Variants in AKAP10 observed in about 807,000 individuals in gnomAD.
AKAP10 encodes the protein A-kinase anchoring protein 10, also known as A-kinase anchor protein 10, mitochondrial.
A neutral mutation model predicts 80.8 loss-of-function variants in AKAP10; 24 were observed. The ratio of observed to expected loss-of-function variants is 0.30; its 90% CI spans 0.22 to 0.42. The LOEUF is 0.42. Ranked by LOEUF, AKAP10 falls within the 10% of genes least tolerant of loss-of-function variation. AKAP10 has a pLI of 1.00. For synonymous variants in AKAP10, 291 were observed against 277.7 expected (o/e 1.05, Z -0.48); for missense variants, 661 against 794.9 (o/e 0.83, Z 2.03).
intron 3 of AKAP10, among the ~76,000 whole-genome samples, chr17:19,961,171 G>T (rs929621079): frequency 2.2e-5 from 3 of 138,082 alleles, no homozygotes; most frequent in Non-Finnish European, 4.6e-5. Flanking sequence ...GCGAAACCCC[G>T]TCTCTACAAA....
At chr17:19,935,676 G>A (rs905169572) in intron 9 of AKAP10, among the ~76,000 whole-genome samples, 2 of 151,336 alleles carry the variant, frequency 1.3e-5, no homozygotes, top group Non-Finnish European at 2.9e-5. Context: ...ATTAGCCTAA[G>A]CCTACACAGG....
At chr17:19,970,998 T>A (rs1205222426) in intron 1 of AKAP10, among the ~76,000 whole-genome samples, 1 of 151,696 alleles carries the variant, frequency 6.6e-6, no homozygotes, top group Non-Finnish European at 1.5e-5. Flanking sequence ...CAAGTGATCC[T>A]CTCATGCCAC....
At chr17:19,923,305 T>G (rs1477657936) in intron 11 of AKAP10, among the ~76,000 whole-genome samples, 1 of 151,988 alleles carries the variant, frequency 6.6e-6, no homozygotes, top group Non-Finnish European at 1.5e-5. Flanking sequence ...CTCGAACTCC[T>G]GAGATCAGGT....
At chr17:19,950,826 G>A (rs1312353240) in intron 4 of AKAP10, among the ~76,000 whole-genome samples, 1 of 151,880 alleles carries the variant, frequency 6.6e-6, no homozygotes, top group Admixed American at 6.6e-5. Flanking sequence ...GAAGTGAGGA[G>A]CACCTCTTCC....
In AKAP10 at chr17:19,946,281, T is replaced by A. The variant is rs1201840760; in HGVS notation, c.976+1126A>T. 7.8e-3 allele frequency among the ~76,000 whole-genome samples: 292 copies of A among 37,204 alleles called. 1 individual carries two copies. Among genetic ancestry groups the A allele is most frequent in the Non-Finnish European group, 0.014 (240 of 17,476 alleles). 24.4% of individuals were successfully genotyped at this position (37,204 alleles called of 152,430 possible). A position where few individuals can be genotyped will look rare whatever the true frequency, so the allele number is the denominator to read the frequency against. On this transcript the variant is annotated intron_variant, in intron 5 of 14. Coordinates refer to ENST00000225737, the MANE Select transcript of AKAP10 (RefSeq NM_007202.4). ...TATATATATATATATATATATTTTT[T>A]TTTTTTTTTTTTTTTTTTGGCAGGG...
At chr17:19,916,096 C>T (rs1402942701) in intron 12 of AKAP10, among the ~76,000 whole-genome samples, 1 of 152,162 alleles carries the variant, frequency 6.6e-6, no homozygotes, top group East Asian at 1.9e-4. Flanking sequence ...ATCCTTGTTC[C>T]TTTCACCAAG....
intron 12 of AKAP10, among the ~76,000 whole-genome samples, chr17:19,913,392 T>C (rs2042712327): frequency 6.6e-6 from 1 of 152,168 alleles, no homozygotes; most frequent in Non-Finnish European, 1.5e-5. Flanking sequence ...GACCTCGTGA[T>C]CTGCCTGCCT....
At chr17:19,929,906 G>A (rs2042913702) in intron 10 of AKAP10, among the ~76,000 whole-genome samples, 1 of 151,760 alleles carries the variant, frequency 6.6e-6, no homozygotes, top group African/African-American at 2.4e-5. Context: ...GAACCCGGGA[G>A]GTGGAGGTTG....
intron 11 of AKAP10, among the ~76,000 whole-genome samples, chr17:19,923,128 A>G (rs1310404924): frequency 2.0e-5 from 3 of 152,106 alleles, no homozygotes; most frequent in Non-Finnish European, 4.4e-5. Flanking sequence ...CGCAGGCTGC[A>G]GTGCAATGGT....
intron 12 of AKAP10, among the ~76,000 whole-genome samples, chr17:19,910,325 C>CAAA (rs3031068): frequency 1.1e-5 from 1 of 90,662 alleles, no homozygotes; most frequent in Non-Finnish European, 2.2e-5. Context: ...GACTCCAACT[C>CAAA]AAAAAAAAAA....
intron 1 of AKAP10, among the ~76,000 whole-genome samples, chr17:19,973,803 C>T (rs1279703399): frequency 6.6e-6 from 1 of 152,082 alleles, no homozygotes; most frequent in Non-Finnish European, 1.5e-5. Context: ...GGTAGGATTT[C>T]GATATGTGTG....
intron 7 of AKAP10, among the ~76,000 whole-genome samples, chr17:19,940,370 C>T (rs761386198): frequency 1.2e-4 from 19 of 152,138 alleles, no homozygotes; most frequent in Non-Finnish European, 2.8e-4. Flanking sequence ...ACTTAATAGT[C>T]ATTTGCTTTC....
At chr17:19,946,003 T>C (rs897503320) in intron 5 of AKAP10, among the ~76,000 whole-genome samples, 2 of 150,070 alleles carry the variant, frequency 1.3e-5, no homozygotes, top group African/African-American at 4.9e-5. Flanking sequence ...AGAAATATAT[T>C]TGTTGAATCA....
rs555727827 is a variant in AKAP10, at chr17:19,947,481, G to A, written c.902C>T (p.Thr301Ile). The change falls in exon 5 of 15, where the codon ACT becomes ATT. Residue 301 changes from threonine (T) to isoleucine (I), a missense_variant. Thr to Ile is a moderately conservative substitution (Grantham distance 89). Transcript: ENST00000225737. Reference sequence around the variant, plus strand: ...ATCTGGAGATATATATTTGGTAAAAGTATTCACTGCATCTTGTTCTATACC... The same window carrying A: ...ATCTGGAGATATATATTTGGTAAAAATATTCACTGCATCTTGTTCTATACC... ...MKSIEQDAVN[T>I]FTKYISPDAA... is the part of the protein sequence containing the mutation. 8.1e-6 allele frequency: 13 copies of A among 1,612,526 alleles called. No homozygotes were observed. In the Admixed American group the frequency reaches 2.0e-4, roughly 25 times the overall value.
chr17:19,949,639 G>A (rs1052997203), intron 4 of AKAP10, among the ~76,000 whole-genome samples: 15 of 151,426 alleles, frequency 9.9e-5, no homozygotes, highest in East Asian at 2.0e-4. Flanking sequence ...ATGGTGGCGC[G>A]CACCTGTAAT....
chr17:19,912,358 G>A (rs1206433640), intron 12 of AKAP10, among the ~76,000 whole-genome samples: 1 of 152,136 alleles, frequency 6.6e-6, no homozygotes, highest in Non-Finnish European at 1.5e-5. Flanking sequence ...TCAACATAGT[G>A]AAACCCCATC....
At chr17:19,968,836 G>GA (rs1236421354) in intron 1 of AKAP10, among the ~76,000 whole-genome samples, 1 of 151,842 alleles carries the variant, frequency 6.6e-6, no homozygotes, top group Non-Finnish European at 1.5e-5. Context: ...GATTATTGAT[G>GA]AAAAAAAATA....
chr17:19,922,107 T>G (rs1456251484), intron 11 of AKAP10, among the ~76,000 whole-genome samples: 1 of 151,914 alleles, frequency 6.6e-6, no homozygotes, highest in African/African-American at 2.4e-5. Flanking sequence ...AACTAGAAAT[T>G]TAACCTTTTA....
chr17:19,973,406 C>T (rs2043524442), intron 1 of AKAP10, among the ~76,000 whole-genome samples: 1 of 152,086 alleles, frequency 6.6e-6, no homozygotes. Flanking sequence ...TATGATTTGG[C>T]CCTTAACAGA....
Sources: gnomAD v4.1 joint callset for allele counts (sites outside exome capture counted in the v4.1 genomes callset) on GRCh38, gnomAD v4.1.1 for gene constraint, MANE v1.5 for transcripts, NCBI Gene and HGNC (gene_info 2026-07-23, HGNC 2026-07-21) for gene names.